UVRAG: variants seen among roughly 807,000 people sequenced by gnomAD.
The protein encoded by UVRAG is UV radiation resistance-associated gene protein.
UVRAG carries 19 observed loss-of-function variants against 78.0 expected under a neutral mutation model. The ratio of observed to expected loss-of-function variants is 0.24; its 90% CI spans 0.17 to 0.36. UVRAG has a LOEUF of 0.36. UVRAG is among the 10% of genes least tolerant of loss of function. The pLI, the probability that UVRAG is intolerant of heterozygous loss-of-function variation, is 1.00. For missense variants in UVRAG, 740 were observed against 853.8 expected (o/e 0.87, Z 1.66); for synonymous variants, 323 against 324.6 (o/e 1.00, Z 0.05).
chr11:76,061,253 G>C (rs1951085332), intron 12 of UVRAG, among the ~76,000 whole-genome samples: 1 of 152,124 alleles, frequency 6.6e-6, no homozygotes, highest in South Asian at 2.1e-4. Context: ...CTAGTGGGGA[G>C]GTGGAGAACC....
chr11:75,907,935 A>C (rs1177214298), intron 5 of UVRAG, among the ~76,000 whole-genome samples: 1 of 152,170 alleles, frequency 6.6e-6, no homozygotes, highest in South Asian at 2.1e-4. Context: ...AAAATTTACT[A>C]TCTTAACCAT....
At chr11:75,837,774 C>G (rs980750063) in intron 1 of UVRAG, 2 of 152,192 alleles carry the variant, frequency 1.3e-5, no homozygotes, top group African/African-American at 4.8e-5. Context: ...CATCTACATT[C>G]TCATGCCTTT....
At chr11:75,836,677 A>G (rs894041904) in intron 1 of UVRAG, among the ~76,000 whole-genome samples, 1 of 152,168 alleles carries the variant, frequency 6.6e-6, no homozygotes, top group Non-Finnish European at 1.5e-5. Context: ...GCATGTATCA[A>G]CTTCCTCTTC....
At chr11:75,965,554 G>A (rs1255403902) in intron 7 of UVRAG, among the ~76,000 whole-genome samples, 1 of 152,060 alleles carries the variant, frequency 6.6e-6, no homozygotes, top group Non-Finnish European at 1.5e-5. Context: ...TGACCTCGTG[G>A]TCTGCCCGCC....
chr11:75,876,011 C>A (rs1946768466), intron 3 of UVRAG, among the ~76,000 whole-genome samples: 2 of 150,902 alleles, frequency 1.3e-5, no homozygotes, highest in South Asian at 4.2e-4. Flanking sequence ...CTGTCTCTAC[C>A]CCAAAAAGAA....
At chr11:76,023,382 A>T (rs1384048661) in intron 12 of UVRAG, among the ~76,000 whole-genome samples, 1 of 152,120 alleles carries the variant, frequency 6.6e-6, no homozygotes, top group East Asian at 1.9e-4. Flanking sequence ...TTTCTCAAAG[A>T]AACTCTCTCC....
At chr11:76,036,317 G>T (rs990974327) in intron 12 of UVRAG, among the ~76,000 whole-genome samples, 1 of 152,116 alleles carries the variant, frequency 6.6e-6, no homozygotes, top group Admixed American at 6.5e-5. Context: ...GGGAGGCCAA[G>T]GCTGGAGGAT....
At chr11:75,930,948 T>TTTCTTTCC (rs1319285019) in intron 6 of UVRAG, 1 of 145,962 alleles carries the variant, frequency 6.9e-6, no homozygotes. Context: ...TCTTTCTTTC[T>TTTCTTTCC]TTCTTTCTTT....
rs181533624 is a variant in UVRAG at position 76,059,164 on chromosome 11, C to G, written c.1227-6546C>G. Among the ~76,000 whole-genome samples, 57 of 152,306 alleles carry G rather than the reference C, an allele frequency of 3.7e-4. 1 individual carries two copies. The highest frequency in any genetic ancestry group is 1.4e-3 in the African/African-American group (57 of 41,570). ...GCTTTACAGTTGCAGTGTACTTTCT[C>G]AATCTTGTGGTGTTGTATCCTCACA... On this transcript the variant is annotated intron_variant, in intron 12 of 14. Transcript: ENST00000356136.
intron 7 of UVRAG, among the ~76,000 whole-genome samples, chr11:75,978,856 G>C (rs546959227): frequency 2.8e-4 from 43 of 152,292 alleles, no homozygotes; most frequent in Non-Finnish European, 4.4e-4. Context: ...CCGATCTTCT[G>C]AATCCTTCTT....
At chr11:76,104,245 C>G (rs1951932801) in intron 13 of UVRAG, among the ~76,000 whole-genome samples, 1 of 152,110 alleles carries the variant, frequency 6.6e-6, no homozygotes, top group South Asian at 2.1e-4. Flanking sequence ...AGTTCCATGC[C>G]TAGCACAGAT....
At chr11:76,071,861 T>C (rs1951316824) in intron 13 of UVRAG, among the ~76,000 whole-genome samples, 1 of 152,190 alleles carries the variant, frequency 6.6e-6, no homozygotes, top group African/African-American at 2.4e-5. Context: ...TTAATGTTAC[T>C]GCCATTTATT....
intron 6 of UVRAG, among the ~76,000 whole-genome samples, chr11:75,930,290 T>C (rs989853384): frequency 6.6e-6 from 1 of 152,258 alleles, no homozygotes; most frequent in African/African-American, 2.4e-5. Context: ...GTAGAATTTG[T>C]ATGCTTAATG....
intron 1 of UVRAG, among the ~76,000 whole-genome samples, chr11:75,822,670 T>G (rs1167922128): frequency 1.3e-5 from 2 of 149,844 alleles, no homozygotes; most frequent in Non-Finnish European, 2.9e-5. Flanking sequence ...ACTGTTTTTT[T>G]TTTTTTTTTA....
At chr11:76,058,340 G>A (rs1237403064) in intron 12 of UVRAG, among the ~76,000 whole-genome samples, 2 of 151,890 alleles carry the variant, frequency 1.3e-5, no homozygotes, top group East Asian at 1.9e-4. Context: ...AGACCAGCCC[G>A]GGCAACATAG....
chr11:75,855,124 A>T (rs1324476424), intron 2 of UVRAG, among the ~76,000 whole-genome samples: 1 of 152,244 alleles, frequency 6.6e-6, no homozygotes, highest in Non-Finnish European at 1.5e-5. Flanking sequence ...CATGTTAAAA[A>T]ACTTGTCTAG....
chr11:76,144,141 C>T lies in UVRAG; in HGVS notation c.*2728C>T, dbSNP rs1952768334. Among the ~76,000 whole-genome samples, 1 of 152,116 alleles carries T rather than the reference C, an allele frequency of 6.6e-6. No individual in the cohort carries two copies. The highest frequency in any genetic ancestry group is 1.5e-5 in the Non-Finnish European group (1 of 68,034). On this transcript the variant is annotated 3_prime_UTR_variant, in exon 15 of 15. Transcript: ENST00000356136. Reference sequence around the variant, plus strand: ...TTATTTAAATAATTTTTTAAACCACCACGAATAATAAATGGCATGTGAAAC... The same window carrying T: ...TTATTTAAATAATTTTTTAAACCACTACGAATAATAAATGGCATGTGAAAC...
At chr11:75,923,698 A>G (rs577474920) in intron 6 of UVRAG, among the ~76,000 whole-genome samples, 59 of 152,274 alleles carry the variant, frequency 3.9e-4, no homozygotes, top group African/African-American at 1.3e-3. Context: ...TTTAGTACTC[A>G]TCGCTCTGTC....
intron 6 of UVRAG, among the ~76,000 whole-genome samples, chr11:75,932,760 A>G (rs1167077295): frequency 6.6e-6 from 1 of 152,258 alleles, no homozygotes; most frequent in African/African-American, 2.4e-5. Flanking sequence ...CCCATTCACA[A>G]TAGCTACAAA....
Sources: gnomAD v4.1 joint callset for allele counts (sites outside exome capture counted in the v4.1 genomes callset) on GRCh38, gnomAD v4.1.1 for gene constraint, MANE v1.5 for transcripts, NCBI Gene and HGNC (gene_info 2026-07-23, HGNC 2026-07-21) for gene names.